Variants in FSIP2 observed in about 807,000 individuals in gnomAD.
FSIP2 encodes the protein fibrous sheath interacting protein 2.
In FSIP2, 367 loss-of-function variants were observed where a neutral mutation model predicts 510.5. That is an observed-to-expected ratio of 0.72 (90% confidence interval 0.66 to 0.78). The LOEUF is 0.78. FSIP2 is among the 30% of genes least tolerant of loss of function. The pLI, the probability that FSIP2 is intolerant of heterozygous loss-of-function variation, is 0.00. For missense variants in FSIP2, 7,594 were observed against 7,901.7 expected (o/e 0.96, Z 1.48); for synonymous variants, 2,601 against 2,732.2 (o/e 0.95, Z 1.50).
chr2:185,747,489 G>A (rs1261792271), intron 7 of FSIP2, 66 bp downstream of exon 7: 10 of 850,358 alleles, frequency 1.2e-5, no homozygotes, highest in Non-Finnish European at 1.9e-5. Flanking sequence ...GTTTTTTGAA[G>A]TACAAATCAC....
In FSIP2 at chr2:185,793,546, G is replaced by A; in HGVS notation, c.6410G>A (p.Gly2137Asp). The change falls in exon 16 of 23, where the codon GGT becomes GAT. Residue 2137 changes from glycine to aspartate, a missense_variant. Gly to Asp is a moderately conservative substitution (Grantham distance 94). Coordinates refer to ENST00000424728, the MANE Select transcript of FSIP2 (RefSeq NM_173651.4). ...GAAAATTCTGAAATGTTCATGGAGG[G>A]TGCAAATAAGATTATTCCTAAGCTT... Reference protein sequence around the residue: ...SEENSEMFMEGANKIIPKLSV... With the variant: ...SEENSEMFMEDANKIIPKLSV... The A allele has an allele frequency of 5.9e-6, 9 of 1,534,156 alleles. No homozygotes were observed. Among genetic ancestry groups the A allele is most frequent in the South Asian group, 1.2e-5 (1 of 84,012 alleles).
intron 11 of FSIP2, among the ~76,000 whole-genome samples, chr2:185,762,484 T>C (rs1692373954): frequency 6.6e-6 from 1 of 151,384 alleles, no homozygotes; most frequent in Non-Finnish European, 1.5e-5. Flanking sequence ...GACATATGCA[T>C]ACAGAAAACA....
rs1693499050 is a variant in FSIP2, at chr2:185,803,837, T to C, written c.14531T>C (p.Ile4844Thr). The change falls in exon 17 of 23, where the codon ATT (isoleucine) becomes ACT (threonine). Residue 4844 changes from isoleucine to threonine, a missense_variant. Coordinates refer to ENST00000424728, the MANE Select transcript of FSIP2 (RefSeq NM_173651.4). ...MSIISKHEIC[I>T]IKYGNKKQSM... The stretch of plus-strand genomic sequence containing the variant: ...ATAATTTCAAAACATGAAATATGTA[T>C]TATTAAATATGGGAATAAAAAACAG... 6.6e-7 allele frequency: 1 copy of C among 1,505,274 alleles called. No homozygotes were observed. Among genetic ancestry groups the C allele is most frequent in the Admixed American group, 2.1e-5 (1 of 47,690 alleles). 93.2% of individuals were successfully genotyped at this position (1,505,274 alleles called of 1,614,324 possible).
intron 13 of FSIP2, among the ~76,000 whole-genome samples, chr2:185,775,443 A>T (rs563545227): frequency 2.0e-5 from 3 of 150,564 alleles, no homozygotes; most frequent in African/African-American, 7.3e-5. Context: ...TTTTCTTGTA[A>T]ATTTGTTTGA....
In FSIP2 at chr2:185,829,575, A is replaced by G. The variant is rs150986069; in HGVS notation, c.20517+1376A>G. On this transcript the variant is annotated intron_variant, in intron 21 of 22. Coordinates refer to ENST00000424728, the MANE Select transcript of FSIP2 (RefSeq NM_173651.4). Reference sequence around the variant, plus strand: ...GATGGAGAATCTGGGGAGAATCCCCACTTTTTCTCCCTCCTTGGCCCTGCC... The same window carrying G: ...GATGGAGAATCTGGGGAGAATCCCCGCTTTTTCTCCCTCCTTGGCCCTGCC... Among the ~76,000 whole-genome samples the G allele has an allele frequency of 6.6e-5, 10 of 152,104 alleles. No homozygotes were observed. In the East Asian group the frequency reaches 1.9e-3, roughly 30 times the overall value.
intron 17 of FSIP2, 128 bp downstream of exon 17, chr2:185,809,261 A>G (rs1665119217): frequency 2.0e-6 from 2 of 985,818 alleles, no homozygotes; most frequent in Non-Finnish European, 2.9e-6. Context: ...CAATAGGAGA[A>G]TTAGTTGCAT....
chr2:185,745,450 C>T lies in FSIP2; in HGVS notation c.499C>T (p.His167Tyr). Residue 167 changes from histidine (H) to tyrosine (Y), a missense_variant, in exon 5 of 23, where the codon CAT becomes TAT. His to Tyr is a moderately conservative substitution (Grantham distance 83). Transcript: ENST00000424728. ...ATAGAGAATACTTGCAAAACAACTA[C>T]ATAACATACCGGAAAACAATCAAAT... ...KEQRILAKQL[H>Y]NIPENNQIPQ... The T allele has an allele frequency of 6.5e-7, 1 of 1,533,010 alleles. No individual in the cohort carries two copies. The highest frequency in any genetic ancestry group is 1.4e-5 in the African/African-American group (1 of 73,008). The allele number at this position is 1,533,010 out of a possible 1,614,324, so 95.0% of individuals were successfully genotyped here.
chr2:185,763,364 A>C (rs1692394779), intron 12 of FSIP2, 75 bp downstream of exon 12: 4 of 714,188 alleles, frequency 5.6e-6, no homozygotes, highest in Non-Finnish European at 9.9e-6. Flanking sequence ...ATTGGTATAA[A>C]ATGTCATGAT....
In FSIP2 at chr2:185,744,354, C is replaced by T. The variant is rs1053631208; in HGVS notation, c.420C>T (p.Tyr140=). The T allele has an allele frequency of 8.0e-7, 1 of 1,249,386 alleles. No individual in the cohort carries two copies. Among genetic ancestry groups the T allele is most frequent in the Non-Finnish European group, 1.0e-6 (1 of 953,630 alleles). 77.4% of individuals were successfully genotyped at this position (1,249,386 alleles called of 1,614,324 possible). A position where few individuals can be genotyped will look rare whatever the true frequency, so the allele number is the denominator to read the frequency against. Residue 140 remains tyrosine, a synonymous_variant, in exon 4 of 23, where the codon TAC becomes TAT. Coordinates refer to ENST00000424728, the MANE Select transcript of FSIP2 (RefSeq NM_173651.4). The part of the protein sequence containing the change: ...VVCTLRELNK[Y]RQYLTSLKLD... ...GTACCTTGAGAGAATTGAATAAGTA[C>T]AGGCAATATCTTACCAGTTTAAAAT...
At chr2:185,775,855 A>C (rs988270990) in intron 13 of FSIP2, among the ~76,000 whole-genome samples, 1 of 151,980 alleles carries the variant, frequency 6.6e-6, no homozygotes, top group Non-Finnish European at 1.5e-5. Flanking sequence ...GTAGAGATGG[A>C]GTTTCTCCAT....
Position 185,791,668 on chromosome 2 carries a change from C to G in FSIP2, c.4532C>G (p.Ala1511Gly). 1.3e-6 allele frequency: 2 copies of G among 1,534,116 alleles called. No homozygotes were observed. Among genetic ancestry groups the G allele is most frequent in the Non-Finnish European group, 1.7e-6 (2 of 1,145,540 alleles). The change falls in exon 16 of 23, where the codon GCT becomes GGT. Residue 1511 changes from alanine (A) to glycine (G), a missense_variant. Physicochemically the swap from Ala to Gly is moderately conservative, Grantham distance 60. Transcript: ENST00000424728. ...DTSFASCGLKAISESLDIDNP... is the reference protein window; with the variant it reads ...DTSFASCGLKGISESLDIDNP... ...AGTTTTGCAAGTTGTGGATTAAAAGCTATCTCAGAGTCTCTTGACATTGAC... is the reference window on the plus strand; with the variant it reads ...AGTTTTGCAAGTTGTGGATTAAAAGGTATCTCAGAGTCTCTTGACATTGAC...
At chr2:185,827,961 G>A (rs916543751) in intron 20 of FSIP2, among the ~76,000 whole-genome samples, 195 bp from the exon 21 acceptor site, 5 of 151,736 alleles carry the variant, frequency 3.3e-5, no homozygotes, top group Non-Finnish European at 7.4e-5. Context: ...GGGCTAAGAC[G>A]TCCCAATATT....
chr2:185,738,984 G>A lies in FSIP2; in HGVS notation c.90G>A (p.Gln30=). ...GCGTCCTGGCCGCGGACACCCAGCA[G>A]TGCAGAGACGTGAGTGGCCGCAAGC... ...VASVLAADTQ[Q]CRDGVHKTHF... is the part of the protein sequence containing the mutation. The change falls in exon 1 of 23, where the codon CAG becomes CAA. Residue 30 remains glutamine, a synonymous_variant. Transcript: ENST00000424728. 2.0e-6 allele frequency: 3 copies of A among 1,532,856 alleles called. No individual in the cohort carries two copies. The highest frequency in any genetic ancestry group is 2.6e-6 in the Non-Finnish European group (3 of 1,146,290). 95.0% of individuals were successfully genotyped at this position (1,532,856 alleles called of 1,614,324 possible).
chr2:185,783,688 G>A (rs931439437), intron 14 of FSIP2: 3 of 152,132 alleles, frequency 2.0e-5, no homozygotes, highest in Non-Finnish European at 2.9e-5. Flanking sequence ...CTTGATGACC[G>A]TGTGTAGACC....
Position 185,791,497 on chromosome 2 carries a change from C to T in FSIP2, c.4361C>T (p.Ser1454Phe), listed in dbSNP as rs1169884428. The change falls in exon 16 of 23, where the codon TCT becomes TTT. Residue 1454 changes from serine to phenylalanine, a missense_variant. By Grantham distance (155) the Ser-to-Phe change is radical. Transcript: ENST00000424728. ...AAGCTCCTGGGGACCCATCTTCATT[C>T]TCAGCTATCTTGTAGTCAACAAAGC... Reference protein sequence around the residue: ...LSKLLGTHLHSQLSCSQQSRE... With the variant: ...LSKLLGTHLHFQLSCSQQSRE... 1 of 1,534,312 alleles carries T rather than the reference C, an allele frequency of 6.5e-7. No individual in the cohort carries two copies. The highest frequency in any genetic ancestry group is 8.7e-7 in the Non-Finnish European group (1 of 1,145,670).
Position 185,792,156 on chromosome 2 carries a change from C to A in FSIP2, c.5020C>A (p.Pro1674Thr). Reference sequence around the variant, plus strand: ...GAAGACAAGTGTAGAAAACCCACCACCTGAGACTCAAATACTTAAGTATGT... The same window carrying A: ...GAAGACAAGTGTAGAAAACCCACCAACTGAGACTCAAATACTTAAGTATGT... Reference protein sequence around the residue: ...DLKTSVENPPPETQILKYVVK... With the variant: ...DLKTSVENPPTETQILKYVVK... The change falls in exon 16 of 23, where the codon CCT (proline) becomes ACT (threonine). Residue 1674 changes from proline (P) to threonine (T), a missense_variant. Physicochemically the swap from Pro to Thr is conservative, Grantham distance 38. Coordinates refer to ENST00000424728, the MANE Select transcript of FSIP2 (RefSeq NM_173651.4). 1.3e-6 allele frequency: 2 copies of A among 1,533,128 alleles called. No individual in the cohort carries two copies. The highest frequency in any genetic ancestry group is 1.4e-5 in the African/African-American group (1 of 72,924). 95.0% of individuals were successfully genotyped at this position (1,533,128 alleles called of 1,614,324 possible).
chr2:185,806,719 G>A lies in FSIP2; in HGVS notation c.17413G>A (p.Glu5805Lys), dbSNP rs1693589927. ...ACAATTGATCTTTTCTTCTATACCA[G>A]AAACACAAATACAAGATAGATGTCA... ...VKQLIFSSIP[E>K]TQIQDRCQNV... is the part of the protein sequence containing the mutation. The change falls in exon 17 of 23, where the codon GAA becomes AAA. Residue 5805 changes from glutamate to lysine, a missense_variant. Physicochemically the swap from Glu to Lys is moderately conservative, Grantham distance 56. Transcript: ENST00000424728. 6.2e-7 allele frequency: 1 copy of A among 1,608,660 alleles called. No homozygotes were observed. The highest frequency in any genetic ancestry group is 8.5e-7 in the Non-Finnish European group (1 of 1,177,802).
At chr2:185,737,395 C>T (rs116961352), upstream of FSIP2, among the ~76,000 whole-genome samples, 254 of 152,178 alleles carry the variant, frequency 1.7e-3, 2 homozygotes, top group East Asian at 0.034. Context: ...CAAATTGATA[C>T]AAGATGGATT....
chr2:185,823,000 A>G (rs1693951271), intron 19 of FSIP2, among the ~76,000 whole-genome samples: 2 of 151,990 alleles, frequency 1.3e-5, no homozygotes, highest in South Asian at 2.1e-4. Context: ...AGATACTCAC[A>G]TGCAAAAAAC....
Sources: allele counts gnomAD v4.1 joint callset (sites outside exome capture counted in the v4.1 genomes callset), GRCh38; gene constraint gnomAD v4.1.1; transcripts MANE v1.5; gene names NCBI Gene and HGNC (gene_info 2026-07-23, HGNC 2026-07-21).